The following ELP2 variants were observed in gnomAD, a reference collection of about 807,000 sequenced individuals.
ELP2 encodes the protein elongator acetyltransferase complex subunit 2.
In ELP2, 90 loss-of-function variants were observed where a neutral mutation model predicts 119.2. The ratio of observed to expected loss-of-function variants is 0.75; its 90% confidence interval spans 0.64 to 0.90. The LOEUF (loss-of-function observed/expected upper bound fraction) is 0.90, where lower values mean the gene tolerates loss of function less well. Ranked by LOEUF, ELP2 falls within the 40% of genes least tolerant of loss-of-function variation. The pLI, the probability that ELP2 is intolerant of heterozygous loss-of-function variation, is 0.00. For missense variants in ELP2, 921 were observed against 967.8 expected, an observed-to-expected ratio of 0.95 and a Z score of 0.64; for synonymous variants, 339 against 331.0, an observed-to-expected ratio of 1.02 and a Z score of -0.26.
intron 11 of ELP2, among the ~76,000 whole-genome samples, chr18:36,146,743 G>C (rs750076240): frequency 2.6e-5 from 4 of 152,058 alleles, no homozygotes; most frequent in Non-Finnish European, 4.4e-5. Context: ...TGGGCATGGT[G>C]GCTCTTCTCA....
At chr18:36,142,104 A>T (rs2090050770) in intron 6 of ELP2, among the ~76,000 whole-genome samples, 177 bp from the exon 7 acceptor site, 2 of 152,134 alleles carry the variant, frequency 1.3e-5, no homozygotes, top group African/African-American at 4.8e-5. Context: ...CCAGTTAGTG[A>T]TTTAGATATT....
At chr18:36,131,128 C>G (rs1406076883) in intron 1 of ELP2, among the ~76,000 whole-genome samples, 1 of 152,090 alleles carries the variant, frequency 6.6e-6, no homozygotes, top group Non-Finnish European at 1.5e-5. Flanking sequence ...GGACGGGGGT[C>G]GCACCACTGG....
chr18:36,146,015 TC>T lies in ELP2; in HGVS notation c.962del (p.Pro321GlnfsTer9). ...TGGATAAAACCATGATTCTCTGGGCTCCAGATGAAGAGTCAGGAGTTTGGCT... is the reference window on the plus strand; with the variant it reads ...TGGATAAAACCATGATTCTCTGGGCTCAGATGAAGAGTCAGGAGTTTGGCT... ...SMDKTMILWA[P>X]DEESGVWLEQ... On this transcript the variant is annotated frameshift_variant, in exon 10 of 22. Coordinates refer to ENST00000358232, the MANE Select transcript of ELP2 (RefSeq NM_018255.4). LOFTEE classifies it high-confidence loss of function. The T allele has an allele frequency of 6.2e-7, 1 of 1,614,064 alleles. No individual in the cohort carries two copies. Among genetic ancestry groups the T allele is most frequent in the Non-Finnish European group, 8.5e-7 (1 of 1,179,940 alleles).
chr18:36,163,441 C>G (rs1308394659), intron 17 of ELP2, among the ~76,000 whole-genome samples: 1 of 151,870 alleles, frequency 6.6e-6, no homozygotes, highest in African/African-American at 2.4e-5. Flanking sequence ...TGTCTTTCAA[C>G]TAGCAGATGT....
chr18:36,140,615 A>G (rs2089987884), intron 5 of ELP2, among the ~76,000 whole-genome samples: 1 of 152,188 alleles, frequency 6.6e-6, no homozygotes, highest in Admixed American at 6.5e-5. Context: ...CCAAAGGATA[A>G]CGCCCTAGGA....
Position 36,138,298 on chromosome 18 carries a change from A to G in ELP2, c.317A>G (p.His106Arg), listed in dbSNP as rs537436755. 8.1e-6 allele frequency: 13 copies of G among 1,614,162 alleles called. No homozygotes were observed. In the South Asian group the frequency reaches 1.4e-4, roughly 18 times the overall value. Reference protein sequence around the residue: ...QLLKAVHLQGHEGPVYAVHAV... With the variant: ...QLLKAVHLQGREGPVYAVHAV... Reference sequence around the variant, plus strand: ...TTAAAAGCAGTGCATCTTCAAGGCCATGAAGGACCTGTTTATGCGGTGCAT... The same window carrying G: ...TTAAAAGCAGTGCATCTTCAAGGCCGTGAAGGACCTGTTTATGCGGTGCAT... Residue 106 changes from histidine to arginine, a missense_variant, in exon 4 of 22, where the codon CAT becomes CGT. Coordinates refer to ENST00000358232, the MANE Select transcript of ELP2 (RefSeq NM_018255.4).
intron 11 of ELP2, among the ~76,000 whole-genome samples, chr18:36,146,649 A>G (rs1415812761): frequency 6.6e-6 from 1 of 152,198 alleles, no homozygotes; most frequent in Non-Finnish European, 1.5e-5. Context: ...TTAAAAAGTT[A>G]ACATAATTGG....
chr18:36,177,232 C>T lies in ELP2; in HGVS notation c.*2591C>T, dbSNP rs1004953945. The T allele has an allele frequency of 6.6e-5, 10 of 152,124 alleles. No individual in the cohort carries two copies. Among genetic ancestry groups the T allele is most frequent in the Non-Finnish European group, 1.2e-4 (8 of 68,038 alleles). The allele number at this position is 152,124 out of a possible 1,614,324, so 9.4% of individuals were successfully genotyped here. On this transcript the variant is annotated 3_prime_UTR_variant, in exon 22 of 22. Coordinates refer to ENST00000358232, the MANE Select transcript of ELP2 (RefSeq NM_018255.4). ...CCCATACTCACGGCACCATTATTCA[C>T]AGTAGCTAAGAGATGGAAGCAATAT...
rs1434301569 is a variant in ELP2, at chr18:36,178,149, A to G, written c.*3508A>G. 1.3e-5 allele frequency: 2 copies of G among 152,218 alleles called. No individual in the cohort carries two copies. Among genetic ancestry groups the G allele is most frequent in the Non-Finnish European group, 2.9e-5 (2 of 68,084 alleles). The allele number at this position is 152,218 out of a possible 1,614,324, so 9.4% of individuals were successfully genotyped here. A position where few individuals can be genotyped will look rare whatever the true frequency, so the allele number is the denominator to read the frequency against. The stretch of plus-strand genomic sequence containing the variant: ...TTCTCCCTCCTCGGCACCCACTTCT[A>G]GGATTAACAGGCAGGGAGACGGGAG... On this transcript the variant is annotated 3_prime_UTR_variant, in exon 22 of 22. Transcript: ENST00000358232.
chr18:36,156,503 G>A lies in ELP2; in HGVS notation c.1313G>A (p.Gly438Glu). ...WHEIARPQIH[G>E]YDLKCLAMIN... is the part of the protein sequence containing the mutation. ...GAAATTGCAAGGCCTCAGATACATGGGTATGACCTGAAATGTTTGGCAATG... is the reference window on the plus strand; with the variant it reads ...GAAATTGCAAGGCCTCAGATACATGAGTATGACCTGAAATGTTTGGCAATG... The change falls in exon 13 of 22, where the codon GGG (glycine) becomes GAG (glutamate). Residue 438 changes from glycine (G) to glutamate (E), a missense_variant. Transcript: ENST00000358232. 6.2e-7 allele frequency: 1 copy of A among 1,614,042 alleles called. No homozygotes were observed. The highest frequency in any genetic ancestry group is 8.5e-7 in the Non-Finnish European group (1 of 1,179,984).
chr18:36,156,703 A>G, intron 13 of ELP2, 49 bp downstream of exon 13: 1 of 1,550,668 alleles, frequency 6.4e-7, no homozygotes. Flanking sequence ...CTTCATTTTA[A>G]ATTTAAAAGG....
chr18:36,172,478 C>A (rs554286455), intron 21 of ELP2, among the ~76,000 whole-genome samples: 81 of 152,250 alleles, frequency 5.3e-4, no homozygotes, highest in African/African-American at 2.0e-3. Flanking sequence ...CCATGTCAGC[C>A]AAGCATGTTA....
chr18:36,138,576 T>G (rs1024420045), intron 4 of ELP2, 150 bp downstream of exon 4: 1 of 978,790 alleles, frequency 1.0e-6, no homozygotes, highest in Non-Finnish European at 1.5e-6. Context: ...TGCACTTATT[T>G]AAAATTCTCT....
In ELP2 at chr18:36,137,593, C is replaced by T. The variant is rs538775705; in HGVS notation, c.289-677C>T. 1.8e-3 allele frequency among the ~76,000 whole-genome samples: 280 copies of T among 152,096 alleles called. 2 individuals are homozygous for T. The highest frequency in any genetic ancestry group is 6.5e-3 in the African/African-American group (270 of 41,490). ...TTAAAAAAAGATAAACCCAAAACATCAGTAGAAGGGATGCCAGAGGGAATA... is the reference window on the plus strand; with the variant it reads ...TTAAAAAAAGATAAACCCAAAACATTAGTAGAAGGGATGCCAGAGGGAATA... On this transcript the variant is annotated intron_variant, in intron 3 of 21. Transcript: ENST00000358232.
At chr18:36,141,711 G>A (rs556464515) in intron 6 of ELP2, among the ~76,000 whole-genome samples, 40 of 69,026 alleles carry the variant, frequency 5.8e-4, no homozygotes, top group Non-Finnish European at 1.0e-3. Context: ...TTTTTTTTTT[G>A]AGACAGAGTC....
chr18:36,161,958 G>T lies in ELP2; in HGVS notation c.1761+954G>T, dbSNP rs569769077. Among the ~76,000 whole-genome samples, 5 of 152,196 alleles carry T rather than the reference G, an allele frequency of 3.3e-5. No homozygotes were observed. The South Asian group carries it at 1.0e-3, about 32-fold the overall frequency. On this transcript the variant is annotated intron_variant, in intron 17 of 21. Coordinates refer to ENST00000358232, the MANE Select transcript of ELP2 (RefSeq NM_018255.4). Reference sequence around the variant, plus strand: ...GCAGATAATTTGTTTCTAACTTAGGGCACTGTCAATCCTGTAATTGATTTT... The same window carrying T: ...GCAGATAATTTGTTTCTAACTTAGGTCACTGTCAATCCTGTAATTGATTTT...
intron 14 of ELP2, among the ~76,000 whole-genome samples, chr18:36,159,156 A>C (rs1266949498): frequency 1.4e-5 from 2 of 144,332 alleles, no homozygotes; most frequent in East Asian, 2.0e-4. Flanking sequence ...TCTGTCACCC[A>C]GGCTGGAGTG....
chr18:36,142,146 C>T, intron 6 of ELP2, 135 bp from the exon 7 acceptor site: 1 of 762,300 alleles, frequency 1.3e-6, no homozygotes, highest in South Asian at 1.5e-5. Flanking sequence ...CAAAGGAATG[C>T]TTTTTCTTGT....
At chr18:36,156,031 G>A (rs1407720229) in intron 12 of ELP2, among the ~76,000 whole-genome samples, 1 of 152,128 alleles carries the variant, frequency 6.6e-6, no homozygotes, top group Non-Finnish European at 1.5e-5. Context: ...CTAAGTGTTG[G>A]CCCTGAGCTC....
Sources: allele counts gnomAD v4.1 joint callset (sites outside exome capture counted in the v4.1 genomes callset), GRCh38; gene constraint gnomAD v4.1.1; transcripts MANE v1.5; gene names NCBI Gene and HGNC (gene_info 2026-07-23, HGNC 2026-07-21).